TTC7B: variants seen among roughly 807,000 people sequenced by gnomAD.
The protein encoded by TTC7B is tetratricopeptide repeat domain 7B.
TTC7B carries 28 observed loss-of-function variants against 106.8 expected under a neutral mutation model. The ratio of observed to expected loss-of-function variants is 0.26; its 90% CI spans 0.19 to 0.36. The LOEUF is 0.36. TTC7B is among the 10% of genes least tolerant of loss of function. TTC7B has a pLI of 1.00. For missense variants in TTC7B, 862 were observed against 1,076.4 expected, an observed-to-expected ratio of 0.80 and a Z score of 2.79; for synonymous variants, 405 against 430.6, an observed-to-expected ratio of 0.94 and a Z score of 0.74.
At chr14:90,544,489 A>G (rs996055632) in intron 19 of TTC7B, among the ~76,000 whole-genome samples, 1 of 152,158 alleles carries the variant, frequency 6.6e-6, no homozygotes, top group Non-Finnish European at 1.5e-5. Context: ...TCCATCTCCC[A>G]GGATGGTGCT....
At chr14:90,771,439 C>G (rs751756356) in intron 3 of TTC7B, among the ~76,000 whole-genome samples, 2 of 152,014 alleles carry the variant, frequency 1.3e-5, no homozygotes, top group Non-Finnish European at 2.9e-5. Flanking sequence ...ACAAAAAATA[C>G]AAAAATTAAC....
chr14:90,626,446 C>A (rs1884444440), intron 15 of TTC7B, among the ~76,000 whole-genome samples: 4 of 152,200 alleles, frequency 2.6e-5, no homozygotes, highest in Admixed American at 2.6e-4. Flanking sequence ...CTCCACACAT[C>A]TCCAGTGAAG....
chr14:90,657,232 G>A lies in TTC7B; in HGVS notation c.1283C>T (p.Pro428Leu), dbSNP rs267604084. The change falls in exon 11 of 20, where the codon CCA becomes CTA. Residue 428 changes from proline (P) to leucine (L), a missense_variant. Transcript: ENST00000328459. The surrounding 1 kb of genome is among the most constrained non-coding windows in gnomAD (Gnocchi z 4.2). ...GAGGAGAGGGATGGTGGCATCGTCT[G>A]GCTTCAGGCGGATACACTCTTTCAG... ...KVLKECIRLK[P>L]DDATIPLLAA... is the part of the protein sequence containing the mutation. 2 of 1,613,938 alleles carry A rather than the reference G, an allele frequency of 1.2e-6. No individual in the cohort carries two copies. The highest frequency in any genetic ancestry group is 8.5e-7 in the Non-Finnish European group (1 of 1,179,992).
In TTC7B at chr14:90,689,723, A is replaced by G; in HGVS notation, c.778-11T>C. Reference sequence around the variant, plus strand: ...CTGCCTGGCTATTGTCTGGGAACATAAACGAGGAAAAGCATAGCCATGAAT... The same window carrying G: ...CTGCCTGGCTATTGTCTGGGAACATGAACGAGGAAAAGCATAGCCATGAAT... On this transcript the variant is annotated splice_polypyrimidine_tract_variant and intron_variant, in intron 6 of 19. Coordinates refer to ENST00000328459, the MANE Select transcript of TTC7B (RefSeq NM_001010854.2). 1.9e-6 allele frequency: 3 copies of G among 1,613,186 alleles called. No individual in the cohort carries two copies. In the South Asian group the frequency reaches 3.3e-5, roughly 18 times the overall value.
At chr14:90,610,643 T>C (rs1892831133) in intron 17 of TTC7B, 99 bp downstream of exon 17, 16 of 847,678 alleles carry the variant, frequency 1.9e-5, no homozygotes, top group Non-Finnish European at 2.0e-5. Flanking sequence ...AAGAAATTTT[T>C]CCAACCCCAA....
intron 18 of TTC7B, among the ~76,000 whole-genome samples, chr14:90,587,728 C>T (rs1286474): frequency 0.063 from 9,587 of 152,242 alleles, 363 homozygotes; most frequent in East Asian, 0.21. Flanking sequence ...CCATAGGACT[C>T]CAGTGCCTCG....
intron 1 of TTC7B, among the ~76,000 whole-genome samples, chr14:90,813,096 GA>G (rs2030992643): frequency 6.6e-6 from 1 of 152,164 alleles, no homozygotes; most frequent in Non-Finnish European, 1.5e-5. Context: ...TTCTACCCAT[GA>G]AGTTCCCTCC....
intron 7 of TTC7B, among the ~76,000 whole-genome samples, chr14:90,687,019 A>C (rs977081958): frequency 1.3e-5 from 2 of 151,258 alleles, no homozygotes; most frequent in Admixed American, 6.6e-5. Context: ...AAAAATGGAC[A>C]AGCTAAAATT....
chr14:90,709,236 C>T (rs1306975129), intron 5 of TTC7B, among the ~76,000 whole-genome samples: 3 of 150,500 alleles, frequency 2.0e-5, no homozygotes, highest in African/African-American at 4.9e-5. Flanking sequence ...CACATGCACA[C>T]GTATGTTTAT....
intron 13 of TTC7B, among the ~76,000 whole-genome samples, chr14:90,651,683 G>A (rs990352047): frequency 6.6e-6 from 1 of 152,258 alleles, no homozygotes; most frequent in South Asian, 2.1e-4. Context: ...CAGGAGATCT[G>A]TTTGCAGATG....
In TTC7B at chr14:90,775,043, C is replaced by CA. The variant is rs35706904; in HGVS notation, c.445+5694dup. On this transcript the variant is annotated intron_variant, in intron 3 of 19. Transcript: ENST00000328459. ...GGGCAACAAGAGTGAAATTCTGTCT[C>CA]AAAAAAAAAAAAAAAATTCTCCCCG... Among the ~76,000 whole-genome samples the CA allele has an allele frequency of 3.2e-3, 442 of 139,110 alleles. 2 individuals carry two copies. Among genetic ancestry groups the CA allele is most frequent in the African/African-American group, 9.5e-3 (346 of 36,446 alleles). The allele number at this position is 139,110 out of a possible 152,430, so 91.3% of individuals were successfully genotyped here. A position where few individuals can be genotyped will look rare whatever the true frequency, so the allele number is the denominator to read the frequency against.
chr14:90,664,038 A>G (rs1886310501), intron 9 of TTC7B, among the ~76,000 whole-genome samples: 1 of 152,110 alleles, frequency 6.6e-6, no homozygotes, highest in African/African-American at 2.4e-5. Context: ...CTACAAAAGG[A>G]GACTCCCTGC....
chr14:90,545,156 G>C (rs1889773603), intron 19 of TTC7B, among the ~76,000 whole-genome samples: 1 of 152,134 alleles, frequency 6.6e-6, no homozygotes, highest in Admixed American at 6.5e-5. Context: ...AGGTCTGCTT[G>C]GTCCTAAAGT....
At chr14:90,599,139 T>C (rs1892329768) in intron 17 of TTC7B, among the ~76,000 whole-genome samples, 1 of 142,058 alleles carries the variant, frequency 7.0e-6, no homozygotes, top group South Asian at 2.2e-4. Flanking sequence ...CGAGATTCTG[T>C]CTCAAACAAA....
chr14:90,804,226 C>T (rs955051313), intron 1 of TTC7B, among the ~76,000 whole-genome samples: 1 of 151,530 alleles, frequency 6.6e-6, no homozygotes, highest in Non-Finnish European at 1.5e-5. Context: ...CCCAGCTACT[C>T]GGGAGGCTGA....
At chr14:90,788,403 G>A (rs781599385) in intron 1 of TTC7B, among the ~76,000 whole-genome samples, 9 of 152,170 alleles carry the variant, frequency 5.9e-5, no homozygotes, top group Non-Finnish European at 1.3e-4. Flanking sequence ...TGTAGGCAAA[G>A]GCCTGAGTGT....
chr14:90,703,597 A>G (rs1019141005), intron 5 of TTC7B, among the ~76,000 whole-genome samples: 1 of 152,242 alleles, frequency 6.6e-6, no homozygotes, highest in Admixed American at 6.5e-5. Flanking sequence ...GGAAAAAAAA[A>G]GACCATTACA....
intron 8 of TTC7B, 76 bp from the exon 9 acceptor site, chr14:90,676,736 C>T: frequency 6.6e-7 from 1 of 1,505,856 alleles, no homozygotes; most frequent in Middle Eastern, 1.9e-4. Context: ...CCTAGGCCCT[C>T]CTGCCCCTAC....
chr14:90,756,389 T>TG (rs1200113786), intron 3 of TTC7B, among the ~76,000 whole-genome samples: 9 of 149,430 alleles, frequency 6.0e-5, no homozygotes, highest in East Asian at 3.9e-4. Context: ...TTTTTGTTTT[T>TG]TTTTTTTGTT....
Sources: allele counts gnomAD v4.1 joint callset (sites outside exome capture counted in the v4.1 genomes callset), GRCh38; gene constraint gnomAD v4.1.1; non-coding constraint Gnocchi (gnomAD v3.1); transcripts MANE v1.5; gene names NCBI Gene and HGNC (gene_info 2026-07-23, HGNC 2026-07-21).